HHAT: variants seen among roughly 807,000 people sequenced by gnomAD.
The protein encoded by HHAT is protein-cysteine N-palmitoyltransferase HHAT.
In HHAT, 47 loss-of-function variants were observed where a neutral mutation model predicts 70.8. That is an observed-to-expected ratio of 0.66 (90% CI 0.53 to 0.85). The LOEUF is 0.85. HHAT is among the 40% of genes least tolerant of loss of function. The pLI is 0.00. For missense variants in HHAT, 609 were observed against 604.8 expected, an observed-to-expected ratio of 1.01 and a Z score of -0.07; for synonymous variants, 228 against 247.6, an observed-to-expected ratio of 0.92 and a Z score of 0.74.
At chr1:210,654,774 G>A (rs1676034007) in intron 11 of HHAT, among the ~76,000 whole-genome samples, 1 of 152,230 alleles carries the variant, frequency 6.6e-6, no homozygotes, top group Admixed American at 6.5e-5. Flanking sequence ...GGAGGTGGGA[G>A]GCTCTGCAAT....
chr1:210,454,068 C>A (rs2093810959), intron 7 of HHAT, among the ~76,000 whole-genome samples: 1 of 152,164 alleles, frequency 6.6e-6, no homozygotes, highest in Non-Finnish European at 1.5e-5. Context: ...GTGAGACTTA[C>A]TATCACGAGA....
intron 9 of HHAT, among the ~76,000 whole-genome samples, chr1:210,566,386 C>T (rs1249023711): frequency 1.3e-5 from 2 of 152,028 alleles, no homozygotes; most frequent in Non-Finnish European, 2.9e-5. Flanking sequence ...GAGGGTGGTT[C>T]CCCAGCAAAG....
At chr1:210,343,351 C>T (rs1030465984) in intron 1 of HHAT, among the ~76,000 whole-genome samples, 3 of 152,122 alleles carry the variant, frequency 2.0e-5, no homozygotes, top group African/African-American at 7.2e-5. Flanking sequence ...AAAATAGTTA[C>T]TTTTAAGTTT....
intron 5 of HHAT, among the ~76,000 whole-genome samples, chr1:210,401,028 C>G (rs1222063630): frequency 1.3e-5 from 2 of 152,198 alleles, no homozygotes; most frequent in East Asian, 3.9e-4. Context: ...ATAGGGAATG[C>G]ACACATCACT....
At chr1:210,397,393 T>C (rs1357280977) in intron 4 of HHAT, among the ~76,000 whole-genome samples, 3 of 152,218 alleles carry the variant, frequency 2.0e-5, no homozygotes, top group African/African-American at 7.2e-5. Context: ...AATTGGGCTA[T>C]TTTGGTGTTT....
At chr1:210,453,489 C>T (rs2093796915) in intron 7 of HHAT, among the ~76,000 whole-genome samples, 1 of 152,154 alleles carries the variant, frequency 6.6e-6, no homozygotes. Context: ...AGTTGCAGCA[C>T]AGTTATTTAA....
At chr1:210,532,666 C>T (rs1028543053) in intron 9 of HHAT, among the ~76,000 whole-genome samples, 13 of 152,150 alleles carry the variant, frequency 8.5e-5, no homozygotes, top group Non-Finnish European at 1.8e-4. Flanking sequence ...ATGTTTCCGT[C>T]GGCACCATGT....
At position 210,560,814 on chromosome 1, in the gene HHAT, TAAAAAAAAAAAA is replaced by T. The variant is rs60192211; in HGVS notation, c.1044-27058_1044-27047del. Among the ~76,000 whole-genome samples the T allele has an allele frequency of 4.4e-3, 125 of 28,512 alleles. 2 individuals are homozygous for T. The highest frequency in any genetic ancestry group is 0.025 in the Middle Eastern group (1 of 40). The allele number at this position is 28,512 out of a possible 152,430, so 18.7% of individuals were successfully genotyped here. On this transcript the variant is annotated intron_variant, in intron 9 of 11. Coordinates refer to ENST00000261458, the MANE Select transcript of HHAT (RefSeq NM_018194.6). Reference sequence around the variant, plus strand: ...GGTGACAAAGTGAGACCCTGTGTCTTAAAAAAAAAAAAAAAAAAAAAAAAAAAAAAAAAAAAA... The same window carrying T: ...GGTGACAAAGTGAGACCCTGTGTCTTAAAAAAAAAAAAAAAAAAAAAAAAA...
At chr1:210,647,625 T>C (rs1204392896) in intron 11 of HHAT, among the ~76,000 whole-genome samples, 2 of 152,080 alleles carry the variant, frequency 1.3e-5, no homozygotes, top group South Asian at 4.1e-4. Context: ...TATCCTGATA[T>C]CTCTGGCAAG....
chr1:210,662,038 A>G (rs935167973), intron 11 of HHAT, among the ~76,000 whole-genome samples: 2 of 152,248 alleles, frequency 1.3e-5, no homozygotes, highest in East Asian at 3.8e-4. Flanking sequence ...AGCTGTTTTT[A>G]TCTTATTCAA....
At chr1:210,646,550 T>TA (rs150414205) in intron 11 of HHAT, among the ~76,000 whole-genome samples, 2,500 of 152,302 alleles carry the variant, frequency 0.016, 68 homozygotes, top group African/African-American at 0.056. Context: ...TTATGAAAAT[T>TA]ACAATATCTC....
At chr1:210,421,397 C>G (rs926555920) in intron 7 of HHAT, among the ~76,000 whole-genome samples, 4 of 152,116 alleles carry the variant, frequency 2.6e-5, no homozygotes, top group African/African-American at 9.7e-5. Flanking sequence ...CTTTCCTTGG[C>G]TACTAATAAG....
chr1:210,666,889 G>T (rs756953853), intron 11 of HHAT, among the ~76,000 whole-genome samples: 8 of 151,976 alleles, frequency 5.3e-5, no homozygotes, highest in Non-Finnish European at 7.4e-5. Flanking sequence ...TCAGGAGACC[G>T]AGACCATGGT....
intron 8 of HHAT, among the ~76,000 whole-genome samples, chr1:210,491,064 A>AGT (rs1553242999): frequency 0.035 from 1,279 of 36,190 alleles, 20 homozygotes; most frequent in South Asian, 0.067. Flanking sequence ...ACACACACAT[A>AGT]GTGTGTGTGT....
intron 10 of HHAT, among the ~76,000 whole-genome samples, chr1:210,595,726 G>C (rs1334210614): frequency 6.6e-6 from 1 of 152,120 alleles, no homozygotes; most frequent in Non-Finnish European, 1.5e-5. Flanking sequence ...GTGATGATGA[G>C]CATTTTTTCA....
Position 210,588,185 on chromosome 1 carries a change from C to T in HHAT, c.1245+86C>T, listed in dbSNP as rs557963880. ...AGGGATGGGGCCATCAGATTCCCTG[C>T]CCCCACTATGGGCCCTTTCTACTAG... On this transcript the variant is annotated intron_variant, in intron 10 of 11. Coordinates refer to ENST00000261458, the MANE Select transcript of HHAT (RefSeq NM_018194.6). The T allele has an allele frequency of 5.3e-6, 6 of 1,139,518 alleles. 1 individual carries two copies. In the South Asian group the frequency reaches 8.9e-5, roughly 17 times the overall value. 70.6% of individuals were successfully genotyped at this position (1,139,518 alleles called of 1,614,324 possible).
intron 1 of HHAT, among the ~76,000 whole-genome samples, chr1:210,333,294 ATC>A (rs2085162667): frequency 6.6e-6 from 1 of 152,168 alleles, no homozygotes; most frequent in Non-Finnish European, 1.5e-5. Context: ...CAGTGCTAGC[ATC>A]ACTTGTAGTC....
chr1:210,515,050 A>G (rs11811274), intron 9 of HHAT, among the ~76,000 whole-genome samples: 2,220 of 152,316 alleles, frequency 0.015, 72 homozygotes, highest in African/African-American at 0.051. Context: ...GTGCTGGAAG[A>G]TGCTCTAACT....
At chr1:210,427,125 T>C (rs1407019451) in intron 7 of HHAT, among the ~76,000 whole-genome samples, 1 of 151,890 alleles carries the variant, frequency 6.6e-6, no homozygotes, top group Non-Finnish European at 1.5e-5. Flanking sequence ...GTTTGACATA[T>C]TAATAATATT....
Sources: gnomAD v4.1 joint callset for allele counts (sites outside exome capture counted in the v4.1 genomes callset) on GRCh38, gnomAD v4.1.1 for gene constraint, MANE v1.5 for transcripts, NCBI Gene and HGNC (gene_info 2026-07-23, HGNC 2026-07-21) for gene names.